FBXL5: variants seen among roughly 807,000 people sequenced by gnomAD.
The protein encoded by FBXL5 is F-box/LRR-repeat protein 5.
In FBXL5, 26 loss-of-function variants were observed where a neutral mutation model predicts 78.3. The observed-to-expected ratio is 0.33, with a 90% confidence interval of 0.24 to 0.46. The LOEUF (loss-of-function observed/expected upper bound fraction) is 0.46, where lower values mean the gene tolerates loss of function less well. FBXL5 is among the 20% of genes least tolerant of loss of function. The probability of loss-of-function intolerance (pLI) is 1.00; values close to 1 mark genes in which losing one functional copy is unlikely to be tolerated. For synonymous variants in FBXL5, 295 were observed against 282.5 expected (o/e 1.04, Z -0.45); for missense variants, 710 against 829.2 (o/e 0.86, Z 1.77).
At chr4:15,635,045 T>C (rs1471214007) in intron 5 of FBXL5, among the ~76,000 whole-genome samples, 2 of 152,020 alleles carry the variant, frequency 1.3e-5, no homozygotes, top group African/African-American at 4.8e-5. Context: ...AAAAGTACTA[T>C]ACGTGGCCGG....
At chr4:15,649,864 G>A (rs1577478557) in intron 1 of FBXL5, among the ~76,000 whole-genome samples, 1 of 152,058 alleles carries the variant, frequency 6.6e-6, no homozygotes, top group South Asian at 2.1e-4. Context: ...GTCTCAGGAA[G>A]AAAATTTACC....
chr4:15,655,330 C>CGCGGTG lies in FBXL5; in HGVS notation c.-44_-43insCACCGC. On this transcript the variant is annotated 5_prime_UTR_variant, in exon 1 of 11. Transcript: ENST00000341285. ...CCGCCTCAGCAGCCGCGGCCGCCGC[C>CGCGGTG]TCTCCATAGACACCCTCGCCGCGGG... The CGCGGTG allele has an allele frequency of 7.4e-7, 1 of 1,347,110 alleles. No individual in the cohort carries two copies. Among genetic ancestry groups the CGCGGTG allele is most frequent in the Non-Finnish European group, 9.8e-7 (1 of 1,021,570 alleles). The allele number at this position is 1,347,110 out of a possible 1,614,324, so 83.4% of individuals were successfully genotyped here. A position where few individuals can be genotyped will look rare whatever the true frequency, so the allele number is the denominator to read the frequency against.
At chr4:15,672,683 C>T (rs1222463665) in intron 1 of FBXL5, among the ~76,000 whole-genome samples, 1 of 152,136 alleles carries the variant, frequency 6.6e-6, no homozygotes, top group East Asian at 1.9e-4. Flanking sequence ...AGGCCTAGGA[C>T]ATTATTATAA....
intron 1 of FBXL5, among the ~76,000 whole-genome samples, chr4:15,646,439 C>A: frequency 1.4e-5 from 2 of 145,876 alleles, no homozygotes; most frequent in African/African-American, 5.1e-5. Context: ...TCTCTGCAAA[C>A]ACTATCATGT....
chr4:15,662,279 C>T (rs1386036140), upstream of FBXL5, among the ~76,000 whole-genome samples: 1 of 150,336 alleles, frequency 6.7e-6, no homozygotes, highest in African/African-American at 2.4e-5. Flanking sequence ...TTCCACGGCT[C>T]TACCAACTCT....
chr4:15,655,464 C>G (rs943277472), upstream of FBXL5: 1 of 894,620 alleles, frequency 1.1e-6, no homozygotes, highest in African/African-American at 1.8e-5. Context: ...CATGCGATCC[C>G]TGCGGCCCAC....
chr4:15,609,768 C>T (rs1262293153), intron 10 of FBXL5, among the ~76,000 whole-genome samples: 1 of 151,974 alleles, frequency 6.6e-6, no homozygotes, highest in Non-Finnish European at 1.5e-5. Flanking sequence ...AGAATCTAGA[C>T]TTGCATTTTA....
Position 15,655,316 on chromosome 4 carries a change from G to T in FBXL5, c.-29C>A, listed in dbSNP as rs573065834. The stretch of plus-strand genomic sequence containing the variant: ...CACTGCCTCAGCCTCCGCCTCAGCA[G>T]CCGCGGCCGCCGCCTCTCCATAGAC... On this transcript the variant is annotated 5_prime_UTR_variant, in exon 1 of 11. In the 5' UTR this introduces an upstream ATG that the reference lacks. Coordinates refer to ENST00000341285, the MANE Select transcript of FBXL5 (RefSeq NM_012161.4). 2.0e-5 allele frequency: 27 copies of T among 1,361,532 alleles called. 1 individual carries two copies. The South Asian group carries it at 3.9e-4, about 19-fold the overall frequency. 84.3% of individuals were successfully genotyped at this position (1,361,532 alleles called of 1,614,324 possible).
chr4:15,627,447 G>A (rs1270633440), intron 7 of FBXL5, among the ~76,000 whole-genome samples: 1 of 152,096 alleles, frequency 6.6e-6, no homozygotes, highest in East Asian at 1.9e-4. Flanking sequence ...ATCTGTTTTA[G>A]CAGTTATGAG....
Position 15,604,443 on chromosome 4 carries a change from T to C in FBXL5, c.*1280A>G. 6.6e-6 allele frequency: 1 copy of C among 152,112 alleles called. No individual in the cohort carries two copies. 9.4% of individuals were successfully genotyped at this position (152,112 alleles called of 1,614,324 possible). On this transcript the variant is annotated 3_prime_UTR_variant, in exon 11 of 11. Coordinates refer to ENST00000341285, the MANE Select transcript of FBXL5 (RefSeq NM_012161.4). ...TCATGGCATTCCAAAGCAATTACAA[T>C]AGTAACAACAATCACTGGCCACAGA...
chr4:15,628,135 C>A, intron 6 of FBXL5, 102 bp from the exon 7 acceptor site: 1 of 1,093,528 alleles, frequency 9.1e-7, no homozygotes, highest in East Asian at 2.6e-5. Flanking sequence ...TTGTGCTATC[C>A]TTATACTTTC....
chr4:15,612,278 C>T lies in FBXL5; in HGVS notation c.1987G>A (p.Asp663Asn). 3.1e-6 allele frequency: 5 copies of T among 1,601,900 alleles called. No individual in the cohort carries two copies. The highest frequency in any genetic ancestry group is 4.3e-6 in the Non-Finnish European group (5 of 1,175,802). ...SLNDEYFYYC[D>N]NINGPHADTA... Reference sequence around the variant, plus strand: ...TAAAAGGCATTACCGTTAATGTTGTCACAGTAGTAAAAGTATTCATCATTC... The same window carrying T: ...TAAAAGGCATTACCGTTAATGTTGTTACAGTAGTAAAAGTATTCATCATTC... The change falls in exon 10 of 11, where the codon GAC (aspartate) becomes AAC (asparagine). Residue 663 changes from aspartate (D) to asparagine (N), a missense_variant. Around this residue, in one of 4 missense-constraint regions of FBXL5, gnomAD observed 58 missense variants for 112.3 expected, o/e 0.52. Coordinates refer to ENST00000341285, the MANE Select transcript of FBXL5 (RefSeq NM_012161.4).
At chr4:15,648,434 A>G (rs367866172) in intron 1 of FBXL5, among the ~76,000 whole-genome samples, 276 of 152,332 alleles carry the variant, frequency 1.8e-3, no homozygotes, top group Non-Finnish European at 2.8e-3. Flanking sequence ...CTGCACTCCC[A>G]TGTTCAATGC....
chr4:15,655,209 C>A lies in FBXL5; in HGVS notation c.79G>T (p.Asp27Tyr). The A allele has an allele frequency of 7.0e-7, 1 of 1,421,652 alleles. No homozygotes were observed. 88.1% of individuals were successfully genotyped at this position (1,421,652 alleles called of 1,614,324 possible). ...RMKQLVGLYC[D>Y]KLSKTNFSNN... ...GAGGCTCAGCGCTCCGTTACCTTGTCGCAGTAGAGCCCCACCAGCTGCTTC... is the reference window on the plus strand; with the variant it reads ...GAGGCTCAGCGCTCCGTTACCTTGTAGCAGTAGAGCCCCACCAGCTGCTTC... The change falls in exon 1 of 11, where the codon GAC becomes TAC. Residue 27 changes from aspartate to tyrosine, a missense_variant. Asp to Tyr is a radical substitution (Grantham distance 160, BLOSUM62 -3). This residue lies in a region of FBXL5 where 132 missense variants were observed against 156.9 expected (regional missense o/e 0.84). Coordinates refer to ENST00000341285, the MANE Select transcript of FBXL5 (RefSeq NM_012161.4).
chr4:15,658,856 A>C (rs2148759085), upstream of FBXL5, among the ~76,000 whole-genome samples: 1 of 152,266 alleles, frequency 6.6e-6, no homozygotes, highest in South Asian at 2.1e-4. Flanking sequence ...ATATTAAGAA[A>C]AATTATCCAT....
In FBXL5 at chr4:15,605,670, T is replaced by C; in HGVS notation, c.*53A>G. Reference sequence around the variant, plus strand: ...AGAAATGTGCTATGAGTAAAGTGCATGAAAGAAAGCCTGCTCAGCTAAATG... The same window carrying C: ...AGAAATGTGCTATGAGTAAAGTGCACGAAAGAAAGCCTGCTCAGCTAAATG... On this transcript the variant is annotated 3_prime_UTR_variant, in exon 11 of 11. Transcript: ENST00000341285. 1 of 1,509,370 alleles carries C rather than the reference T, an allele frequency of 6.6e-7. No individual in the cohort carries two copies. The highest frequency in any genetic ancestry group is 9.2e-7 in the Non-Finnish European group (1 of 1,088,296). 93.5% of individuals were successfully genotyped at this position (1,509,370 alleles called of 1,614,324 possible).
chr4:15,643,998 A>G (rs558433651), intron 2 of FBXL5, among the ~76,000 whole-genome samples: 1 of 152,198 alleles, frequency 6.6e-6, no homozygotes, highest in Non-Finnish European at 1.5e-5. Flanking sequence ...CCTCTTCTCA[A>G]CTTAGGCCTG....
chr4:15,655,865 C>G (rs938496830), upstream of FBXL5, among the ~76,000 whole-genome samples: 6 of 152,226 alleles, frequency 3.9e-5, no homozygotes, highest in Admixed American at 1.3e-4. Flanking sequence ...ACCACCCCGG[C>G]CGCCACTCAA....
intron 6 of FBXL5, among the ~76,000 whole-genome samples, chr4:15,630,238 C>T (rs1012236647): frequency 3.9e-5 from 6 of 152,070 alleles, no homozygotes. Flanking sequence ...CTACAATAAC[C>T]TTATTAGGCA....
Sources: gnomAD v4.1 joint callset for allele counts (sites outside exome capture counted in the v4.1 genomes callset) on GRCh38, gnomAD v4.1.1 for gene constraint, gnomAD v4.1.1 regional missense constraint, MANE v1.5 for transcripts, NCBI Gene and HGNC (gene_info 2026-07-23, HGNC 2026-07-21) for gene names.